BCKDHB: variants seen among roughly 807,000 people sequenced by gnomAD.
The protein encoded by BCKDHB is branched chain keto acid dehydrogenase E1 subunit beta.
In BCKDHB, 41 loss-of-function variants were observed where a neutral mutation model predicts 48.5. The observed-to-expected ratio is 0.85, with a 90% CI of 0.66 to 1.10. BCKDHB has a LOEUF of 1.10. Ranked by LOEUF, BCKDHB falls within the 50% of genes least tolerant of loss-of-function variation. The probability of loss-of-function intolerance (pLI) is 0.00; values close to 1 mark genes in which losing one functional copy is unlikely to be tolerated. For synonymous variants in BCKDHB, 201 were observed against 174.8 expected, an observed-to-expected ratio of 1.15 and a Z score of -1.18; for missense variants, 496 against 494.2, an observed-to-expected ratio of 1.00 and a Z score of -0.03.
intron 8 of BCKDHB, among the ~76,000 whole-genome samples, chr6:80,254,250 C>G (rs1164730228): frequency 6.6e-6 from 1 of 151,626 alleles, no homozygotes; most frequent in Non-Finnish European, 1.5e-5. Flanking sequence ...GATTGTATCT[C>G]TTAAGGTACA....
the BCKDHB span, among the ~76,000 whole-genome samples, chr6:80,402,902 T>C: frequency 1.3e-5 from 2 of 151,836 alleles, no homozygotes; most frequent in South Asian, 2.1e-4. Context: ...TTGTCAAAGA[T>C]TAGTTGATCA....
At chr6:80,459,951 T>C in the BCKDHB span, among the ~76,000 whole-genome samples, 2 of 152,116 alleles carry the variant, frequency 1.3e-5, no homozygotes, top group Non-Finnish European at 2.9e-5. Context: ...CTACTGTCAA[T>C]AGAACTGGAA....
chr6:80,126,370 G>A (rs895730652), intron 1 of BCKDHB, among the ~76,000 whole-genome samples: 6 of 152,150 alleles, frequency 3.9e-5, no homozygotes, highest in African/African-American at 1.4e-4. Context: ...GGCTAGGGAA[G>A]AAAATGGGTC....
At chr6:80,281,001 G>A (rs1212759565) in intron 9 of BCKDHB, among the ~76,000 whole-genome samples, 1 of 150,588 alleles carries the variant, frequency 6.6e-6, no homozygotes, top group African/African-American at 2.4e-5. Flanking sequence ...CTGAGATGGG[G>A]AATATCATTG....
chr6:80,254,982 C>T (rs1776990342), intron 8 of BCKDHB, among the ~76,000 whole-genome samples: 1 of 152,180 alleles, frequency 6.6e-6, no homozygotes, highest in Admixed American at 6.5e-5. Context: ...TCAAATTCCC[C>T]AAAGTGTGTG....
intron 6 of BCKDHB, 92 bp from the exon 7 acceptor site, chr6:80,200,842 A>G (rs1290084215): frequency 8.9e-6 from 9 of 1,010,326 alleles, no homozygotes; most frequent in Non-Finnish European, 1.1e-5. Flanking sequence ...AATAAAATAA[A>G]GCTTTGCTAC....
the BCKDHB span, among the ~76,000 whole-genome samples, chr6:80,402,478 T>C: frequency 6.6e-6 from 1 of 151,820 alleles, no homozygotes; most frequent in Non-Finnish European, 1.5e-5. Flanking sequence ...TGCTTTTGGG[T>C]TGTATGACTT....
intron 3 of BCKDHB, among the ~76,000 whole-genome samples, chr6:80,157,491 G>A (rs561488560): frequency 2.5e-4 from 33 of 134,330 alleles, no homozygotes; most frequent in Admixed American, 2.4e-3. Flanking sequence ...TTGAGATGGA[G>A]TTTTGCTCTT....
the BCKDHB span, among the ~76,000 whole-genome samples, chr6:80,351,824 C>CT: frequency 0.28 from 37,373 of 134,948 alleles, 5,486 homozygotes; most frequent in Non-Finnish European, 0.34. Flanking sequence ...TTCTTTCTTT[C>CT]TTTTTTTTTT....
chr6:80,454,327 C>T, the BCKDHB span: 2 of 152,214 alleles, frequency 1.3e-5, no homozygotes, highest in African/African-American at 4.8e-5. Flanking sequence ...ACTGGTTCTT[C>T]CACAAAGGGT....
At chr6:80,404,122 A>AT in the BCKDHB span, among the ~76,000 whole-genome samples, 1 of 151,530 alleles carries the variant, frequency 6.6e-6, no homozygotes, top group Non-Finnish European at 1.5e-5. Flanking sequence ...CTCACTTCTA[A>AT]TTTTTTTAAA....
At chr6:80,360,621 A>AT in the BCKDHB span, among the ~76,000 whole-genome samples, 1 of 152,168 alleles carries the variant, frequency 6.6e-6, no homozygotes, top group Non-Finnish European at 1.5e-5. Context: ...GTACATGTAT[A>AT]TTTCATTGTG....
intron 9 of BCKDHB, among the ~76,000 whole-genome samples, chr6:80,340,506 A>G (rs1028321328): frequency 1.3e-5 from 2 of 152,194 alleles, no homozygotes; most frequent in Non-Finnish European, 2.9e-5. Flanking sequence ...TTTCTAGCCC[A>G]TATTCTGCAT....
At chr6:80,398,065 G>T in the BCKDHB span, among the ~76,000 whole-genome samples, 1 of 152,080 alleles carries the variant, frequency 6.6e-6, no homozygotes, top group Non-Finnish European at 1.5e-5. Flanking sequence ...GTAGCTCTGG[G>T]ACACAGTTAA....
At chr6:80,237,298 G>C (rs1776184042) in intron 8 of BCKDHB, among the ~76,000 whole-genome samples, 2 of 152,170 alleles carry the variant, frequency 1.3e-5, no homozygotes, top group African/African-American at 4.8e-5. Flanking sequence ...TGTCACTGAG[G>C]ATAATCAAGC....
rs375881394 is a variant in BCKDHB, at chr6:80,326,884, A to AG, written c.1039-16779dup. On this transcript the variant is annotated intron_variant, in intron 9 of 9. Transcript: ENST00000320393. ...CAGTCTCAAAAGAAAAGAAAAAAAA[A>AG]GAGTAAGTAACTTGCCCAGAGTCAC... Among the ~76,000 whole-genome samples, 333 of 152,270 alleles carry AG rather than the reference A, an allele frequency of 2.2e-3. 2 individuals are homozygous for AG. The highest frequency in any genetic ancestry group is 7.7e-3 in the African/African-American group (319 of 41,548).
chr6:80,107,512 C>G, intron 1 of BCKDHB, among the ~76,000 whole-genome samples: 1 of 28,818 alleles, frequency 3.5e-5, no homozygotes, highest in South Asian at 1.7e-3. Flanking sequence ...TATATATGTG[C>G]GCATATATAT....
chr6:80,454,648 C>T, the BCKDHB span, among the ~76,000 whole-genome samples: 26 of 152,288 alleles, frequency 1.7e-4, no homozygotes, highest in African/African-American at 6.0e-4. Context: ...GTATTGTTTG[C>T]AAGGCATTGG....
At chr6:80,296,595 T>C (rs184461909) in intron 9 of BCKDHB, among the ~76,000 whole-genome samples, 89 of 152,346 alleles carry the variant, frequency 5.8e-4, no homozygotes, top group Middle Eastern at 6.8e-3. Flanking sequence ...CAAATCTGTT[T>C]AACCTTAATT....
Sources: allele counts gnomAD v4.1 joint callset (sites outside exome capture counted in the v4.1 genomes callset), GRCh38; gene constraint gnomAD v4.1.1; transcripts MANE v1.5; gene names NCBI Gene and HGNC (gene_info 2026-07-23, HGNC 2026-07-21).